The following EGF variants were observed in gnomAD, a reference collection of about 807,000 sequenced individuals.
EGF encodes the protein pro-epidermal growth factor.
A neutral mutation model predicts 143.8 loss-of-function variants in EGF; 95 were observed. The ratio of observed to expected loss-of-function variants is 0.66; its 90% CI spans 0.56 to 0.78. The LOEUF is 0.78. EGF is among the 30% of genes least tolerant of loss of function. The pLI, the probability that EGF is intolerant of heterozygous loss-of-function variation, is 0.00. For synonymous variants in EGF, 510 were observed against 510.5 expected, an observed-to-expected ratio of 1.00 and a Z score of 0.01; for missense variants, 1,320 against 1,470.9, an observed-to-expected ratio of 0.90 and a Z score of 1.68.
At chr4:109,932,419 C>T (rs1009402962) in intron 1 of EGF, among the ~76,000 whole-genome samples, 1 of 113,500 alleles carries the variant, frequency 8.8e-6, no homozygotes, top group Non-Finnish European at 1.8e-5. Context: ...CGCTCTGTTG[C>T]CCAGGCTGGA....
chr4:109,913,475 A>G lies in EGF; in HGVS notation c.127+13A>G, dbSNP rs147930926. 56 of 1,612,946 alleles carry G rather than the reference A, an allele frequency of 3.5e-5. No homozygotes were observed. The highest frequency in any genetic ancestry group is 1.4e-4 in the South Asian group (13 of 90,952). ...TCTACTTGTGTGGGTAAGTACTCCA[A>G]TGAAAAGGTGCTCCAGGTCTCCGGG... On this transcript the variant is annotated intron_variant, in intron 1 of 23. Coordinates refer to ENST00000265171, the MANE Select transcript of EGF (RefSeq NM_001963.6).
Position 109,915,762 on chromosome 4 carries a change from C to T in EGF, c.127+2300C>T, listed in dbSNP as rs149571824. 1.1e-4 allele frequency among the ~76,000 whole-genome samples: 16 copies of T among 152,342 alleles called. 1 individual carries two copies. Among genetic ancestry groups the T allele is most frequent in the Non-Finnish European group, 2.4e-4 (16 of 68,034 alleles). ...GCATTGAGACAGATCACCTCTGCAGCCACCTGACCCAGCAGGAAGAATGCT... is the reference window on the plus strand; with the variant it reads ...GCATTGAGACAGATCACCTCTGCAGTCACCTGACCCAGCAGGAAGAATGCT... On this transcript the variant is annotated intron_variant, in intron 1 of 23. Coordinates refer to ENST00000265171, the MANE Select transcript of EGF (RefSeq NM_001963.6).
chr4:109,932,360 C>CATATATATATATATATATAT (rs57424246), intron 1 of EGF, among the ~76,000 whole-genome samples: 23 of 87,024 alleles, frequency 2.6e-4, no homozygotes, highest in East Asian at 1.3e-3. Context: ...CCCATTTAGT[C>CATATATATATATATATATAT]ATATATATAT....
At position 109,945,190 on chromosome 4, in the gene EGF, C is replaced by T. The variant is rs1247711764; in HGVS notation, c.855C>T (p.Leu285=). The part of the protein sequence containing the change: ...HTGKDMVRIN[L]HSSFVPLGEL... ...GAAAGGACATGGTTAGAATTAACCT[C>T]CATTCATCATTTGTACCACTTGGTG... is the stretch of plus-strand genomic sequence containing the variant. Residue 285 remains leucine (L), a synonymous_variant, in exon 5 of 24, where the codon CTC becomes CTT. Coordinates refer to ENST00000265171, the MANE Select transcript of EGF (RefSeq NM_001963.6). The T allele has an allele frequency of 6.2e-7, 1 of 1,614,024 alleles. No individual in the cohort carries two copies. The highest frequency in any genetic ancestry group is 8.5e-7 in the Non-Finnish European group (1 of 1,179,992).
rs1749711441 is a variant in EGF, at chr4:109,983,638, A to G, written c.2491+97A>G. The G allele has an allele frequency of 3.9e-6, 6 of 1,529,760 alleles. No homozygotes were observed. In the South Asian group the frequency reaches 5.7e-5, roughly 14 times the overall value. 94.8% of individuals were successfully genotyped at this position (1,529,760 alleles called of 1,614,324 possible). A position where few individuals can be genotyped will look rare whatever the true frequency, so the allele number is the denominator to read the frequency against. The stretch of plus-strand genomic sequence containing the variant: ...TTACCTTTCTAACTTAATATTGCCT[A>G]AGTTCTACACAAGGCTAATGAAACC... On this transcript the variant is annotated intron_variant, in intron 16 of 23. Transcript: ENST00000265171.
At chr4:109,928,555 G>T (rs1299509210) in intron 1 of EGF, among the ~76,000 whole-genome samples, 1 of 152,078 alleles carries the variant, frequency 6.6e-6, no homozygotes, top group African/African-American at 2.4e-5. Flanking sequence ...TCTCTCCTGG[G>T]TCGGGGGAAA....
At chr4:109,994,184 G>T (rs1751444696) in intron 19 of EGF, among the ~76,000 whole-genome samples, 1 of 152,062 alleles carries the variant, frequency 6.6e-6, no homozygotes, top group South Asian at 2.1e-4. Context: ...TTATATTTTG[G>T]CATGCCCTCT....
At chr4:109,930,430 T>G (rs1379036905) in intron 1 of EGF, among the ~76,000 whole-genome samples, 5 of 152,192 alleles carry the variant, frequency 3.3e-5, no homozygotes, top group Admixed American at 2.6e-4. Context: ...TCCATTAGTT[T>G]AGAGCCACAT....
intron 1 of EGF, among the ~76,000 whole-genome samples, chr4:109,919,256 A>G (rs1418196930): frequency 6.8e-6 from 1 of 147,944 alleles, no homozygotes; most frequent in Non-Finnish European, 1.5e-5. Flanking sequence ...TCTTGTAGGC[A>G]GTCCCAGGTA....
At chr4:109,969,265 C>T in intron 11 of EGF, 146 bp downstream of exon 11, 1 of 1,010,466 alleles carries the variant, frequency 9.9e-7, no homozygotes, top group Non-Finnish European at 1.5e-6. Context: ...CATTGCGGTC[C>T]ACACTCCCTC....
At chr4:109,960,761 C>A in intron 6 of EGF, 106 bp from the exon 7 acceptor site, 3 of 1,266,582 alleles carry the variant, frequency 2.4e-6, no homozygotes, top group Non-Finnish European at 1.1e-6. Flanking sequence ...TCAATTACAG[C>A]ATATACAAGT....
intron 18 of EGF, chr4:109,992,328 C>T (rs1751079781): frequency 6.6e-6 from 1 of 152,104 alleles, no homozygotes; most frequent in Non-Finnish European, 1.5e-5. Flanking sequence ...TAGGGCTGTG[C>T]TCGCTTTGGC....
rs1746437810 is a variant in EGF at position 109,965,663 on chromosome 4, A to G, written c.1575+1126A>G. Among the ~76,000 whole-genome samples, 3 of 151,960 alleles carry G rather than the reference A, an allele frequency of 2.0e-5. No homozygotes were observed. The South Asian group carries it at 6.2e-4, about 32-fold the overall frequency. On this transcript the variant is annotated intron_variant, in intron 10 of 23. Coordinates refer to ENST00000265171, the MANE Select transcript of EGF (RefSeq NM_001963.6). ...TTTTGTTTCTTGGGTTAATTTTCTTATTTTCTTGCTACTCAAATTGTGATC... is the reference window on the plus strand; with the variant it reads ...TTTTGTTTCTTGGGTTAATTTTCTTGTTTTCTTGCTACTCAAATTGTGATC...
At chr4:110,005,674 A>G (rs146144151) in intron 22 of EGF, among the ~76,000 whole-genome samples, 12 of 152,318 alleles carry the variant, frequency 7.9e-5, no homozygotes, top group African/African-American at 2.9e-4. Flanking sequence ...CAGGCTACAC[A>G]TTCTTGAATC....
chr4:109,928,850 C>T (rs940100923), intron 1 of EGF, among the ~76,000 whole-genome samples: 7 of 152,110 alleles, frequency 4.6e-5, no homozygotes, highest in African/African-American at 1.7e-4. Context: ...TGTAATAAGG[C>T]ATGTCCCACC....
chr4:109,919,066 C>T (rs574296688), intron 1 of EGF, among the ~76,000 whole-genome samples: 32 of 152,186 alleles, frequency 2.1e-4, no homozygotes, highest in African/African-American at 6.0e-4. Context: ...TGATCATATC[C>T]GAGACTTGCC....
chr4:109,932,450 C>A (rs967958392), intron 1 of EGF, among the ~76,000 whole-genome samples: 52 of 144,590 alleles, frequency 3.6e-4, no homozygotes, highest in Admixed American at 1.8e-3. Context: ...ATGATCTTGG[C>A]TCACTGCAAG....
chr4:109,975,950 T>A lies in EGF; in HGVS notation c.1830-62T>A. 3 of 1,538,844 alleles carry A rather than the reference T, an allele frequency of 1.9e-6. No individual in the cohort carries two copies. In the South Asian group the frequency reaches 3.4e-5, roughly 17 times the overall value. On this transcript the variant is annotated intron_variant, in intron 12 of 23. Coordinates refer to ENST00000265171, the MANE Select transcript of EGF (RefSeq NM_001963.6). ...TAATTTACATTGATATTTTCAATGA[T>A]GAAAGAACAGAATAATTTATTTCAT...
Position 109,937,355 on chromosome 4 carries a change from C to T in EGF, c.128-3591C>T, listed in dbSNP as rs571035383. Among the ~76,000 whole-genome samples the T allele has an allele frequency of 2.4e-3, 293 of 120,624 alleles. 4 individuals carry two copies. The highest frequency in any genetic ancestry group is 0.011 in the African/African-American group (278 of 26,106). The allele number at this position is 120,624 out of a possible 152,430, so 79.1% of individuals were successfully genotyped here. ...TTTATCAAAGACCAGGATTGCAATC[C>T]CTGCTTTTTTTTTTTTTTTGCTTTC... On this transcript the variant is annotated intron_variant, in intron 1 of 23. Coordinates refer to ENST00000265171, the MANE Select transcript of EGF (RefSeq NM_001963.6).
Sources: gnomAD v4.1 joint callset for allele counts (sites outside exome capture counted in the v4.1 genomes callset) on GRCh38, gnomAD v4.1.1 for gene constraint, MANE v1.5 for transcripts, NCBI Gene and HGNC (gene_info 2026-07-23, HGNC 2026-07-21) for gene names.